Variants in BMPR1B observed in about 807,000 individuals in gnomAD.
BMPR1B encodes bone morphogenetic protein receptor type 1B.
BMPR1B carries 12 observed loss-of-function variants against 59.1 expected under a neutral mutation model. The observed-to-expected ratio is 0.20, with a 90% confidence interval of 0.13 to 0.33. The LOEUF (loss-of-function observed/expected upper bound fraction) is 0.33. Ranked by LOEUF, BMPR1B falls within the 10% of genes least tolerant of loss-of-function variation. The pLI, the probability that BMPR1B is intolerant of heterozygous loss-of-function variation, is 1.00. For missense variants in BMPR1B, 550 were observed against 610.9 expected, an observed-to-expected ratio of 0.90 and a Z score of 1.05; for synonymous variants, 237 against 207.3, an observed-to-expected ratio of 1.14 and a Z score of -1.23.
Position 94,963,812 on chromosome 4 carries a change from C to T in BMPR1B, c.-112-32228C>T, listed in dbSNP as rs191619794. Among the ~76,000 whole-genome samples, 5 of 151,916 alleles carry T rather than the reference C, an allele frequency of 3.3e-5. No individual in the cohort carries two copies. The East Asian group carries it at 5.8e-4, about 18-fold the overall frequency. The stretch of plus-strand genomic sequence containing the variant: ...TTCTTTTTGGATTTTTTTCGCTATT[C>T]TAGGTCTTTTGTGGTTCCATGTAAA... On this transcript the variant is annotated intron_variant, in intron 2 of 12. Transcript: ENST00000515059.
At chr4:94,893,907 C>T (rs1230571901) in intron 2 of BMPR1B, among the ~76,000 whole-genome samples, 1 of 152,024 alleles carries the variant, frequency 6.6e-6, no homozygotes, top group Non-Finnish European at 1.5e-5. Flanking sequence ...AAATGTGCTA[C>T]TCAAGGTAAA....
intron 10 of BMPR1B, among the ~76,000 whole-genome samples, chr4:95,141,882 A>G (rs1377383412): frequency 6.6e-6 from 1 of 152,202 alleles, no homozygotes; most frequent in Non-Finnish European, 1.5e-5. Flanking sequence ...CAAGTACAAA[A>G]GAGATAGGGT....
intron 3 of BMPR1B, among the ~76,000 whole-genome samples, chr4:95,060,375 C>T (rs920607328): frequency 1.3e-5 from 2 of 152,154 alleles, no homozygotes; most frequent in Non-Finnish European, 2.9e-5. Context: ...GTAACTTACC[C>T]ATATACCCAG....
At chr4:95,031,947 T>G (rs1724890314) in intron 3 of BMPR1B, among the ~76,000 whole-genome samples, 1 of 152,080 alleles carries the variant, frequency 6.6e-6, no homozygotes, top group Non-Finnish European at 1.5e-5. Flanking sequence ...GGTAAAATAC[T>G]GTAACATAAC....
chr4:94,760,731 T>G (rs1721730189), intron 1 of BMPR1B, among the ~76,000 whole-genome samples: 1 of 152,214 alleles, frequency 6.6e-6, no homozygotes, highest in African/African-American at 2.4e-5. Flanking sequence ...TGAGGTGAGA[T>G]AGTGTCCCTT....
intron 10 of BMPR1B, among the ~76,000 whole-genome samples, chr4:95,139,288 A>T (rs1734036876): frequency 6.6e-6 from 1 of 152,104 alleles, no homozygotes; most frequent in Non-Finnish European, 1.5e-5. Context: ...TTCGTCTCAG[A>T]GGGGCACCTG....
intron 1 of BMPR1B, among the ~76,000 whole-genome samples, chr4:94,850,031 C>G (rs980653205): frequency 2.0e-5 from 3 of 152,018 alleles, no homozygotes; most frequent in Non-Finnish European, 4.4e-5. Flanking sequence ...TCCCTTCCTC[C>G]CAGTTCTTGT....
chr4:94,794,231 A>G (rs75147712), intron 1 of BMPR1B, among the ~76,000 whole-genome samples: 2 of 131,176 alleles, frequency 1.5e-5, no homozygotes, highest in African/African-American at 5.8e-5. Flanking sequence ...TCAGCTTTCT[A>G]CATATGGCTA....
At chr4:95,051,392 G>A (rs1180807559) in intron 3 of BMPR1B, among the ~76,000 whole-genome samples, 1 of 152,194 alleles carries the variant, frequency 6.6e-6, no homozygotes, top group East Asian at 1.9e-4. Flanking sequence ...TGCCAGCGCA[G>A]AGTGAAGCCC....
chr4:94,980,757 CA>C (rs747590296), intron 2 of BMPR1B, among the ~76,000 whole-genome samples: 37 of 152,110 alleles, frequency 2.4e-4, no homozygotes, highest in Non-Finnish European at 4.3e-4. Flanking sequence ...TGAATGAATA[CA>C]AATCATTGTC....
At chr4:94,980,939 G>T (rs1415361665) in intron 2 of BMPR1B, among the ~76,000 whole-genome samples, 1 of 151,882 alleles carries the variant, frequency 6.6e-6, no homozygotes, top group Admixed American at 6.6e-5. Context: ...AGGTTGCAGT[G>T]AGCCGAGATT....
intron 1 of BMPR1B, among the ~76,000 whole-genome samples, chr4:94,758,356 C>T (rs1306092128): frequency 6.6e-6 from 1 of 150,644 alleles, no homozygotes; most frequent in African/African-American, 2.4e-5. Flanking sequence ...GACCCCGAGG[C>T]CTCGTGCCTG....
At chr4:95,071,488 T>C (rs1728268427) in intron 3 of BMPR1B, among the ~76,000 whole-genome samples, 1 of 151,928 alleles carries the variant, frequency 6.6e-6, no homozygotes, top group Admixed American at 6.6e-5. Flanking sequence ...AATCTCATAC[T>C]GATACTTTGC....
At chr4:95,004,435 T>C (rs913084146) in intron 3 of BMPR1B, among the ~76,000 whole-genome samples, 1 of 152,208 alleles carries the variant, frequency 6.6e-6, no homozygotes, top group Admixed American at 6.5e-5. Flanking sequence ...TTCTATTATT[T>C]GTAATATTAT....
intron 8 of BMPR1B, among the ~76,000 whole-genome samples, chr4:95,126,701 G>A (rs761799217): frequency 6.6e-5 from 10 of 152,128 alleles, no homozygotes; most frequent in African/African-American, 1.7e-4. Flanking sequence ...GGATGGGAAG[G>A]AGGGTTCTAT....
At chr4:95,002,354 A>G (rs555613042) in intron 3 of BMPR1B, among the ~76,000 whole-genome samples, 3 of 152,184 alleles carry the variant, frequency 2.0e-5, no homozygotes, top group Admixed American at 2.0e-4. Context: ...GTGCATATGT[A>G]CCACATTTTC....
At chr4:94,991,051 A>G (rs1225666184) in intron 2 of BMPR1B, among the ~76,000 whole-genome samples, 1 of 152,172 alleles carries the variant, frequency 6.6e-6, no homozygotes, top group Non-Finnish European at 1.5e-5. Flanking sequence ...TTAGTATCAC[A>G]GTACTTTCTG....
rs146003386 is a variant in BMPR1B at position 94,766,238 on chromosome 4, A to G, written c.-183+8170A>G. Among the ~76,000 whole-genome samples the G allele has an allele frequency of 4.6e-5, 7 of 152,184 alleles. No individual in the cohort carries two copies. The East Asian group carries it at 7.7e-4, about 17-fold the overall frequency. ...ATGGGACTTGTATTTTTCCCTGTGTATATCATTGGATTTATGTTCCTCAGA... is the reference window on the plus strand; with the variant it reads ...ATGGGACTTGTATTTTTCCCTGTGTGTATCATTGGATTTATGTTCCTCAGA... On this transcript the variant is annotated intron_variant, in intron 1 of 12. Coordinates refer to ENST00000515059, the MANE Select transcript of BMPR1B (RefSeq NM_001203.3).
At chr4:95,053,226 C>T (rs1340181982) in intron 3 of BMPR1B, among the ~76,000 whole-genome samples, 2 of 151,056 alleles carry the variant, frequency 1.3e-5, no homozygotes, top group Non-Finnish European at 2.9e-5. Context: ...CTTTGTCTTC[C>T]TCTAGGTCAT....
Sources: allele counts gnomAD v4.1 joint callset (sites outside exome capture counted in the v4.1 genomes callset), GRCh38; gene constraint gnomAD v4.1.1; transcripts MANE v1.5; gene names NCBI Gene and HGNC (gene_info 2026-07-23, HGNC 2026-07-21).